NRAS: variants seen among roughly 807,000 people sequenced by gnomAD.
NRAS encodes NRAS proto-oncogene, GTPase.
In NRAS, 6 loss-of-function variants were observed where a neutral mutation model predicts 21.3. That is an observed-to-expected ratio of 0.28 (90% CI 0.15 to 0.56). NRAS has a LOEUF of 0.56. NRAS is among the 20% of genes least tolerant of loss of function. The pLI is 0.93. For missense variants in NRAS, 143 were observed against 231.3 expected, an observed-to-expected ratio of 0.62 and a Z score of 2.48; for synonymous variants, 84 against 82.0, an observed-to-expected ratio of 1.02 and a Z score of -0.13.
chr1:114,710,610 A>T (rs995587701), intron 3 of NRAS, among the ~76,000 whole-genome samples: 14 of 152,142 alleles, frequency 9.2e-5, no homozygotes, highest in African/African-American at 3.4e-4. Flanking sequence ...GATTTCAGGA[A>T]GGAATAAATG....
intron 2 of NRAS, 135 bp downstream of exon 2, chr1:114,715,915 T>C (rs1189269279): frequency 2.8e-6 from 2 of 712,968 alleles, no homozygotes; most frequent in Non-Finnish European, 5.2e-6. Context: ...ACGTTAAGCT[T>C]ATTGCATAAC....
Position 114,708,618 on chromosome 1 carries a change from T to G in NRAS, c.487A>C (p.Ile163Leu). ...AGTTTTTTCATTCGGTACTGGCGTATTTCTCTTACCAGTGTGTAAAAAGCA... is the reference window on the plus strand; with the variant it reads ...AGTTTTTTCATTCGGTACTGGCGTAGTTCTCTTACCAGTGTGTAAAAAGCA... ...EDAFYTLVRE[I>L]RQYRMKKLNS... The change falls in exon 5 of 7, where the codon ATA becomes CTA. Residue 163 changes from isoleucine (I) to leucine (L), a missense_variant. Transcript: ENST00000369535. The G allele has an allele frequency of 6.2e-7, 1 of 1,613,238 alleles. No homozygotes were observed. Among genetic ancestry groups the G allele is most frequent in the Non-Finnish European group, 8.5e-7 (1 of 1,179,186 alleles).
At chr1:114,714,059 G>GC (rs1659105832) in intron 2 of NRAS, 81 bp from the exon 3 acceptor site, 1 of 897,046 alleles carries the variant, frequency 1.1e-6, no homozygotes, top group African/African-American at 1.7e-5. Context: ...CAATGCTATT[G>GC]CCAAGGTTAA....
At chr1:114,709,472 A>G in intron 4 of NRAS, 97 bp downstream of exon 4, 1 of 1,017,900 alleles carries the variant, frequency 9.8e-7, no homozygotes, top group Non-Finnish European at 1.5e-6. Context: ...AATGAAAAAA[A>G]TGCATAACAA....
At chr1:114,711,981 T>C (rs1203196725) in intron 3 of NRAS, among the ~76,000 whole-genome samples, 2 of 152,226 alleles carry the variant, frequency 1.3e-5, no homozygotes, top group African/African-American at 4.8e-5. Flanking sequence ...CAGTACTGTT[T>C]TAGTCTCTAC....
chr1:114,713,314 T>C (rs1659084529), intron 3 of NRAS, among the ~76,000 whole-genome samples: 2 of 152,142 alleles, frequency 1.3e-5, no homozygotes, highest in South Asian at 2.1e-4. Flanking sequence ...GCTGCCACCA[T>C]GTGTGACTAA....
intron 2 of NRAS, 53 bp from the exon 3 acceptor site, chr1:114,714,031 T>A (rs1028636321): frequency 2.0e-6 from 2 of 1,007,712 alleles, no homozygotes; most frequent in Non-Finnish European, 3.0e-6. Flanking sequence ...CAATTTTTAT[T>A]AAAAACCACA....
chr1:114,706,682 T>C lies in NRAS; in HGVS notation c.*1412A>G, dbSNP rs1301426030. 6.6e-6 allele frequency: 1 copy of C among 152,256 alleles called. No individual in the cohort carries two copies. 9.4% of individuals were successfully genotyped at this position (152,256 alleles called of 1,614,324 possible). ...GTCATGGTAAAGGGTTTGTGCTAACTGACCTCTTCTTTCCTTGCAGGGCTA... is the reference window on the plus strand; with the variant it reads ...GTCATGGTAAAGGGTTTGTGCTAACCGACCTCTTCTTTCCTTGCAGGGCTA... On this transcript the variant is annotated 3_prime_UTR_variant, in exon 7 of 7. Transcript: ENST00000369535.
chr1:114,713,345 TAG>T (rs1431558992), intron 3 of NRAS, among the ~76,000 whole-genome samples: 1 of 152,024 alleles, frequency 6.6e-6, no homozygotes, highest in Non-Finnish European at 1.5e-5. Context: ...TTTATTTTTG[TAG>T]AGACAGGGTC....
intron 3 of NRAS, among the ~76,000 whole-genome samples, chr1:114,712,681 C>A (rs1041036393): frequency 6.6e-6 from 1 of 152,190 alleles, no homozygotes; most frequent in African/African-American, 2.4e-5. Context: ...AGAAAATAAG[C>A]CAAGACTCAA....
intron 2 of NRAS, among the ~76,000 whole-genome samples, chr1:114,714,620 T>C (rs1393328991): frequency 1.3e-5 from 2 of 152,200 alleles, no homozygotes; most frequent in Non-Finnish European, 2.9e-5. Flanking sequence ...ACAGGACTTT[T>C]ACTTGTATTT....
At chr1:114,716,519 C>A (rs753900022) in intron 1 of NRAS, 139 bp downstream of exon 1, 2 of 367,830 alleles carry the variant, frequency 5.4e-6, no homozygotes, top group Non-Finnish European at 1.1e-5. Context: ...AAAGATCTCC[C>A]CACGTAGGCA....
rs537676173 is a variant in NRAS, at chr1:114,707,574, C to T, written c.*520G>A. On this transcript the variant is annotated 3_prime_UTR_variant, in exon 7 of 7. Transcript: ENST00000369535. ...CAGATGCCAGTTTAGAGAATAGAGCCGATAACATTATAAACAAACCAAACA... is the reference window on the plus strand; with the variant it reads ...CAGATGCCAGTTTAGAGAATAGAGCTGATAACATTATAAACAAACCAAACA... 35 of 152,450 alleles carry T rather than the reference C, an allele frequency of 2.3e-4. No homozygotes were observed. The highest frequency in any genetic ancestry group is 8.0e-4 in the African/African-American group (33 of 41,454). The allele number at this position is 152,450 out of a possible 1,614,324, so 9.4% of individuals were successfully genotyped here.
At position 114,716,121 on chromosome 1, in the gene NRAS, C is replaced by T. The variant is rs2101744200; in HGVS notation, c.40G>A (p.Val14Ile). The change falls in exon 2 of 7, where the codon GTT (valine) becomes ATT (isoleucine). Residue 14 changes from valine (V) to isoleucine (I), a missense_variant. Val to Ile is a conservative substitution (Grantham distance 29, BLOSUM62 3). Coordinates refer to ENST00000369535, the MANE Select transcript of NRAS (RefSeq NM_002524.5). ...TGGATTGTCAGTGCGCTTTTCCCAACACCACCTGCTCCAACCACCACCAGT... is the reference window on the plus strand; with the variant it reads ...TGGATTGTCAGTGCGCTTTTCCCAATACCACCTGCTCCAACCACCACCAGT... ...YKLVVVGAGG[V>I]GKSALTIQLI... 6.2e-7 allele frequency: 1 copy of T among 1,614,074 alleles called. No individual in the cohort carries two copies.
chr1:114,713,693 T>C (rs907693142), intron 3 of NRAS, 107 bp downstream of exon 3: 4 of 943,760 alleles, frequency 4.2e-6, no homozygotes, highest in Non-Finnish European at 6.9e-6. Flanking sequence ...AAACCAACTC[T>C]TCCCATAATT....
rs1488736263 is a variant in NRAS, at chr1:114,709,484, AAAG to A, written c.450+82_450+84del. On this transcript the variant is annotated intron_variant, in intron 4 of 6. Coordinates refer to ENST00000369535, the MANE Select transcript of NRAS (RefSeq NM_002524.5). Reference sequence around the variant, plus strand: ...AAAAATGAAAAAAATGCATAACAACAAAGAATATGAATATGGATCACATCTCTA... The same window carrying A: ...AAAAATGAAAAAAATGCATAACAACAAATATGAATATGGATCACATCTCTA... The A allele has an allele frequency of 2.4e-5, 27 of 1,132,146 alleles. No individual in the cohort carries two copies. The African/African-American group carries it at 3.7e-4, about 16-fold the overall frequency. The allele number at this position is 1,132,146 out of a possible 1,614,324, so 70.1% of individuals were successfully genotyped here.
intron 1 of NRAS, 148 bp downstream of exon 1, chr1:114,716,510 A>C: frequency 2.7e-6 from 1 of 373,384 alleles, no homozygotes; most frequent in Non-Finnish European, 5.2e-6. Context: ...TCTGTCTCCA[A>C]AGATCTCCCC....
intron 4 of NRAS, among the ~76,000 whole-genome samples, chr1:114,709,059 G>A (rs1246608157): frequency 6.6e-6 from 1 of 152,178 alleles, no homozygotes; most frequent in Non-Finnish European, 1.5e-5. Flanking sequence ...GGATGTTAAT[G>A]CAGGAGTAAA....
Position 114,709,709 on chromosome 1 carries a change from T to C in NRAS, c.310A>G (p.Lys104Glu). The change falls in exon 4 of 7, where the codon AAA (lysine) becomes GAA (glutamate). Residue 104 changes from lysine (K) to glutamate (E), a missense_variant. Coordinates refer to ENST00000369535, the MANE Select transcript of NRAS (RefSeq NM_002524.5). ...ACCATAGGTACATCATCCGAGTCTT[T>C]TACTCGCTTAATCTGCTCCCTAAAA... The part of the protein sequence containing the change: ...NLYREQIKRV[K>E]DSDDVPMVLV... The C allele has an allele frequency of 1.9e-6, 3 of 1,613,458 alleles. No homozygotes were observed. The highest frequency in any genetic ancestry group is 2.5e-6 in the Non-Finnish European group (3 of 1,179,386).
Sources: gnomAD v4.1 joint callset for allele counts (sites outside exome capture counted in the v4.1 genomes callset) on GRCh38, gnomAD v4.1.1 for gene constraint, MANE v1.5 for transcripts, NCBI Gene and HGNC (gene_info 2026-07-23, HGNC 2026-07-21) for gene names.